Variants in IQGAP1 observed in about 807,000 individuals in gnomAD.
IQGAP1 encodes IQ motif containing GTPase activating protein 1, also known as ras GTPase-activating-like protein IQGAP1.
In IQGAP1, 66 loss-of-function variants were observed where a neutral mutation model predicts 215.6. That is an observed-to-expected ratio of 0.31 (90% CI 0.25 to 0.38). The LOEUF is 0.38. Among genes scored for constraint, IQGAP1 ranks in the 10% least tolerant of loss-of-function variants. The pLI, the probability that IQGAP1 is intolerant of heterozygous loss-of-function variation, is 1.00. For synonymous variants in IQGAP1, 772 were observed against 728.7 expected, an observed-to-expected ratio of 1.06 and a Z score of -0.96; for missense variants, 1,712 against 1,997.1, an observed-to-expected ratio of 0.86 and a Z score of 2.72.
At chr15:90,410,369 A>T (rs946922786) in intron 2 of IQGAP1, among the ~76,000 whole-genome samples, 1 of 152,228 alleles carries the variant, frequency 6.6e-6, no homozygotes, top group Non-Finnish European at 1.5e-5. Context: ...TCATGCTGCT[A>T]TAAAGACACA....
intron 37 of IQGAP1, among the ~76,000 whole-genome samples, chr15:90,497,754 G>A (rs987627089): frequency 6.6e-6 from 1 of 152,166 alleles, no homozygotes; most frequent in African/African-American, 2.4e-5. Context: ...GTTTATGTTT[G>A]TAAACTGAAT....
At chr15:90,411,746 A>C (rs1319629189) in intron 2 of IQGAP1, among the ~76,000 whole-genome samples, 1 of 152,198 alleles carries the variant, frequency 6.6e-6, no homozygotes, top group Non-Finnish European at 1.5e-5. Context: ...ATTTCATTTC[A>C]TTTCATTTAA....
chr15:90,442,126 T>A (rs540255256), intron 8 of IQGAP1, among the ~76,000 whole-genome samples: 22 of 152,314 alleles, frequency 1.4e-4, no homozygotes, highest in African/African-American at 4.6e-4. Flanking sequence ...AACATAGTCT[T>A]TCCTCTTTCC....
intron 2 of IQGAP1, among the ~76,000 whole-genome samples, chr15:90,399,839 C>T (rs1228665461): frequency 6.6e-6 from 1 of 152,062 alleles, no homozygotes; most frequent in African/African-American, 2.4e-5. Flanking sequence ...ATTAGCAATT[C>T]ATGTCTGTTT....
At chr15:90,428,851 GCC>G (rs375469653) in intron 3 of IQGAP1, among the ~76,000 whole-genome samples, 8 of 151,956 alleles carry the variant, frequency 5.3e-5, no homozygotes, top group Non-Finnish European at 7.4e-5. Context: ...TAGAATGAAA[GCC>G]CTGATTGATT....
chr15:90,454,435 G>A lies in IQGAP1; in HGVS notation c.1495G>A (p.Asp499Asn), dbSNP rs759044255. The A allele has an allele frequency of 1.1e-5, 17 of 1,613,568 alleles. No individual in the cohort carries two copies. Among genetic ancestry groups the A allele is most frequent in the Non-Finnish European group, 1.4e-5 (16 of 1,179,748 alleles). The change falls in exon 14 of 38, where the codon GAT (aspartate) becomes AAT (asparagine). Residue 499 changes from aspartate (D) to asparagine (N), a missense_variant. Physicochemically the swap from Asp to Asn is conservative, Grantham distance 23. This residue lies in a region of IQGAP1 where 1,021 missense variants were observed against 1,074.2 expected (regional missense o/e 0.95). Transcript: ENST00000268182. ...IEEENCQRYLDELMKLKAQAH... is the reference protein window; with the variant it reads ...IEEENCQRYLNELMKLKAQAH... ...CTTGGGGGTCTGGGGCAGGTATCTC[G>A]ATGAGTTGATGAAACTGAAGGCTCA...
At chr15:90,408,772 A>G (rs1964915281) in intron 2 of IQGAP1, among the ~76,000 whole-genome samples, 1 of 152,152 alleles carries the variant, frequency 6.6e-6, no homozygotes, top group South Asian at 2.1e-4. Context: ...ATCTCATTTA[A>G]CATGCTATCA....
chr15:90,482,027 A>G lies in IQGAP1; in HGVS notation c.3397A>G (p.Ser1133Gly). 6 of 1,614,234 alleles carry G rather than the reference A, an allele frequency of 3.7e-6. No homozygotes were observed. The highest frequency in any genetic ancestry group is 5.1e-6 in the Non-Finnish European group (6 of 1,180,042). The change falls in exon 27 of 38, where the codon AGC (serine) becomes GGC (glycine). Residue 1133 changes from serine to glycine, a missense_variant. Ser to Gly is a moderately conservative substitution (Grantham distance 56, BLOSUM62 0). Around this residue, in one of 2 missense-constraint regions of IQGAP1, gnomAD observed 691 missense variants for 923.0 expected, o/e 0.75. Coordinates refer to ENST00000268182, the MANE Select transcript of IQGAP1 (RefSeq NM_003870.4). ...AHEEVKTRLD[S>G]SIRNMRAVTD... Reference sequence around the variant, plus strand: ...TGAAGAAGTGAAGACACGGCTAGACAGCTCCATCAGGAACATGCGGGCTGT... The same window carrying G: ...TGAAGAAGTGAAGACACGGCTAGACGGCTCCATCAGGAACATGCGGGCTGT...
intron 5 of IQGAP1, among the ~76,000 whole-genome samples, chr15:90,435,006 TAATTA>T (rs1965351618): frequency 6.6e-6 from 1 of 152,202 alleles, no homozygotes; most frequent in African/African-American, 2.4e-5. Flanking sequence ...TGCTAAGTGT[TAATTA>T]CATTGGAGTA....
rs536984491 is a variant in IQGAP1, at chr15:90,426,769, A to G, written c.312+503A>G. ...GGAGTTCGAGACCAGCCTGACCAACATGGTGAAACCCCGTCTCTACCAAAA... is the reference window on the plus strand; with the variant it reads ...GGAGTTCGAGACCAGCCTGACCAACGTGGTGAAACCCCGTCTCTACCAAAA... On this transcript the variant is annotated intron_variant, in intron 3 of 37. Coordinates refer to ENST00000268182, the MANE Select transcript of IQGAP1 (RefSeq NM_003870.4). Among the ~76,000 whole-genome samples, 433 of 152,080 alleles carry G rather than the reference A, an allele frequency of 2.8e-3. 4 individuals are homozygous for G. Among genetic ancestry groups the G allele is most frequent in the African/African-American group, 9.6e-3 (399 of 41,470 alleles).
intron 18 of IQGAP1, among the ~76,000 whole-genome samples, chr15:90,468,095 T>C (rs538223388): frequency 1.3e-5 from 2 of 151,760 alleles, no homozygotes; most frequent in South Asian, 4.2e-4. Context: ...TGAAACAGAG[T>C]CTCACTGTGT....
intron 2 of IQGAP1, among the ~76,000 whole-genome samples, chr15:90,400,915 T>G (rs1964795421): frequency 6.6e-6 from 1 of 152,228 alleles, no homozygotes; most frequent in Non-Finnish European, 1.5e-5. Flanking sequence ...TTGGACATTT[T>G]TAAGCCTTGT....
chr15:90,454,314 C>G, intron 13 of IQGAP1, 114 bp from the exon 14 acceptor site: 3 of 1,251,442 alleles, frequency 2.4e-6, no homozygotes, highest in Non-Finnish European at 2.3e-6. Context: ...CTGTGCAGTT[C>G]CAAAACTGGT....
rs1353846979 is a variant in IQGAP1, at chr15:90,501,359, T to A, written c.*1251T>A. 5.9e-5 allele frequency: 9 copies of A among 151,884 alleles called. No individual in the cohort carries two copies. Among genetic ancestry groups the A allele is most frequent in the Non-Finnish European group, 1.3e-4 (9 of 68,006 alleles). 9.4% of individuals were successfully genotyped at this position (151,884 alleles called of 1,614,324 possible). ...AGTCTAAACATTGCATTTAGAAAGC[T>A]TTTGTTCTTGGATAAAAAGTCATAC... On this transcript the variant is annotated 3_prime_UTR_variant, in exon 38 of 38. Transcript: ENST00000268182.
At chr15:90,405,554 G>A (rs569600886) in intron 2 of IQGAP1, among the ~76,000 whole-genome samples, 6 of 152,128 alleles carry the variant, frequency 3.9e-5, no homozygotes, top group African/African-American at 9.7e-5. Flanking sequence ...GGTATATTGT[G>A]CTGTGACATT....
At chr15:90,399,850 T>C (rs1964780603) in intron 2 of IQGAP1, among the ~76,000 whole-genome samples, 1 of 152,208 alleles carries the variant, frequency 6.6e-6, no homozygotes, top group Non-Finnish European at 1.5e-5. Context: ...ATGTCTGTTT[T>C]GTCAAATATT....
chr15:90,396,482 G>C (rs955656252), intron 2 of IQGAP1, among the ~76,000 whole-genome samples: 1 of 152,142 alleles, frequency 6.6e-6, no homozygotes, highest in African/African-American at 2.4e-5. Flanking sequence ...TATCTCATGA[G>C]ACCCAGTGTG....
At chr15:90,491,745 G>T in intron 34 of IQGAP1, 200 bp downstream of exon 34, 1 of 565,688 alleles carries the variant, frequency 1.8e-6, no homozygotes, top group Non-Finnish European at 3.2e-6. Context: ...AATTACTAGG[G>T]AGAGGACCTT....
Position 90,466,353 on chromosome 15 carries a change from T to G in IQGAP1, c.1952T>G (p.Val651Gly). The change falls in exon 17 of 38, where the codon GTT (valine) becomes GGT (glycine). Residue 651 changes from valine to glycine, a missense_variant. Physicochemically the swap from Val to Gly is moderately radical, Grantham distance 109. This residue lies in a region of IQGAP1 where 1,021 missense variants were observed against 1,074.2 expected (regional missense o/e 0.95). Coordinates refer to ENST00000268182, the MANE Select transcript of IQGAP1 (RefSeq NM_003870.4). Reference protein sequence around the residue: ...KTLSALRSPDVGLYGVIPECG... With the variant: ...KTLSALRSPDGGLYGVIPECG... ...CTGAGTGCCCTTCGCTCCCCTGATG[T>G]TGGCTTGTATGGAGTCATCCCTGAG... The G allele has an allele frequency of 2.5e-6, 4 of 1,614,210 alleles. No homozygotes were observed. Among genetic ancestry groups the G allele is most frequent in the African/African-American group, 1.3e-5 (1 of 75,058 alleles).
Sources: gnomAD v4.1 joint callset for allele counts (sites outside exome capture counted in the v4.1 genomes callset) on GRCh38, gnomAD v4.1.1 for gene constraint, gnomAD v4.1.1 regional missense constraint, MANE v1.5 for transcripts, NCBI Gene and HGNC (gene_info 2026-07-23, HGNC 2026-07-21) for gene names.